Variants in EZH2 observed in about 807,000 individuals in gnomAD.
The protein encoded by EZH2 is enhancer of zeste 2 polycomb repressive complex 2 subunit.
In EZH2, 18 loss-of-function variants were observed where a neutral mutation model predicts 98.4. The observed-to-expected ratio is 0.18, with a 90% CI of 0.13 to 0.27. The LOEUF (loss-of-function observed/expected upper bound fraction) is 0.27, where lower values mean the gene tolerates loss of function less well. Among genes scored for constraint, EZH2 ranks in the 10% least tolerant of loss-of-function variants. The pLI, the probability that EZH2 is intolerant of heterozygous loss-of-function variation, is 1.00. For missense variants in EZH2, 470 were observed against 935.1 expected (o/e 0.50, Z 6.49); for synonymous variants, 338 against 312.3 (o/e 1.08, Z -0.87).
At chr7:148,810,543 A>C (rs1802745181) in intron 16 of EZH2, 129 bp from the exon 17 acceptor site, 1 of 566,396 alleles carries the variant, frequency 1.8e-6, no homozygotes, top group African/African-American at 1.8e-5. Context: ...CACTACAGCC[A>C]AGTTCTCTTT....
chr7:148,831,164 A>G (rs574896619), intron 4 of EZH2, among the ~76,000 whole-genome samples: 116 of 152,038 alleles, frequency 7.6e-4, no homozygotes, highest in Middle Eastern at 3.4e-3. Flanking sequence ...ATCCCTAGGT[A>G]ACAAATTTAG....
chr7:148,843,635 G>A (rs1386652870), intron 3 of EZH2, among the ~76,000 whole-genome samples: 2 of 107,800 alleles, frequency 1.9e-5, no homozygotes, highest in Non-Finnish European at 3.3e-5. Flanking sequence ...TCGCTCTGTC[G>A]CCCAGGCTGG....
chr7:148,870,224 A>G (rs1038380304), intron 1 of EZH2, among the ~76,000 whole-genome samples: 1 of 152,242 alleles, frequency 6.6e-6, no homozygotes, highest in Non-Finnish European at 1.5e-5. Context: ...ATTACTCTAG[A>G]AAAGTATTTC....
intron 8 of EZH2, among the ~76,000 whole-genome samples, chr7:148,820,202 C>T (rs540381649): frequency 2.6e-5 from 4 of 152,248 alleles, no homozygotes; most frequent in Non-Finnish European, 4.4e-5. Context: ...ATCCAAGAAC[C>T]TGGTGAGAGC....
intron 4 of EZH2, 126 bp from the exon 5 acceptor site, chr7:148,829,974 CAGAG>C (rs201385478): frequency 5.5e-5 from 32 of 584,510 alleles, no homozygotes; most frequent in Non-Finnish European, 7.7e-5. Flanking sequence ...AAATACTAGT[CAGAG>C]AGCAAACTCT....
intron 16 of EZH2, among the ~76,000 whole-genome samples, chr7:148,811,406 C>T (rs901511437): frequency 6.6e-6 from 1 of 152,166 alleles, no homozygotes. Context: ...CTGCCTCGGC[C>T]TCCCAAAGTG....
chr7:148,873,866 A>AGAC, intron 1 of EZH2, among the ~76,000 whole-genome samples: 1 of 151,572 alleles, frequency 6.6e-6, no homozygotes, highest in East Asian at 1.9e-4. Context: ...AGAGAGAAAA[A>AGAC]AAAAAAGATT....
chr7:148,817,782 C>A, intron 10 of EZH2, 95 bp downstream of exon 10: 1 of 1,529,256 alleles, frequency 6.5e-7, no homozygotes, highest in Non-Finnish European at 8.9e-7. Context: ...TGAAACTAAC[C>A]AACTAAGAAA....
intron 1 of EZH2, among the ~76,000 whole-genome samples, chr7:148,873,117 AG>A (rs1819649939): frequency 1.3e-5 from 2 of 152,124 alleles, no homozygotes; most frequent in African/African-American, 4.8e-5. Flanking sequence ...CAGGAGTCTG[AG>A]GATGTAGTGA....
At chr7:148,827,902 G>A (rs552640592) in intron 6 of EZH2, among the ~76,000 whole-genome samples, 101 of 152,340 alleles carry the variant, frequency 6.6e-4, no homozygotes, top group Non-Finnish European at 6.0e-4. Context: ...TGGATCACGA[G>A]GTCAGGAGAT....
intron 1 of EZH2, among the ~76,000 whole-genome samples, chr7:148,855,897 CAAAAAAAAAAA>C (rs34692092): frequency 4.9e-5 from 2 of 41,016 alleles, no homozygotes; most frequent in Non-Finnish European, 8.5e-5. Flanking sequence ...GACTCCATCT[CAAAAAAAAAAA>C]AAAAAAAAAA....
intron 9 of EZH2, 34 bp downstream of exon 9, chr7:148,819,562 G>C: frequency 6.4e-7 from 1 of 1,573,572 alleles, no homozygotes; most frequent in Non-Finnish European, 8.7e-7. Context: ...GTCCTCTCAA[G>C]TACCCTCTGC....
At chr7:148,853,784 T>A (rs1223134147) in intron 1 of EZH2, among the ~76,000 whole-genome samples, 1 of 152,260 alleles carries the variant, frequency 6.6e-6, no homozygotes, top group Non-Finnish European at 1.5e-5. Context: ...TGGCTGAATC[T>A]ACAAATGTAG....
intron 3 of EZH2, among the ~76,000 whole-genome samples, chr7:148,835,800 C>T (rs1436544403): frequency 6.6e-6 from 1 of 152,144 alleles, no homozygotes; most frequent in Non-Finnish European, 1.5e-5. Flanking sequence ...CAAAGTCGCA[C>T]ATAAGGGTTA....
intron 2 of EZH2, 111 bp from the exon 3 acceptor site, chr7:148,846,709 C>A: frequency 1.0e-6 from 1 of 959,252 alleles, no homozygotes; most frequent in East Asian, 2.6e-5. Flanking sequence ...ATATCAAGAA[C>A]ATTTTCTTAG....
intron 1 of EZH2, among the ~76,000 whole-genome samples, chr7:148,879,169 G>A (rs1382285734): frequency 6.6e-6 from 1 of 151,956 alleles, no homozygotes; most frequent in Admixed American, 6.6e-5. Context: ...AGGTTGCAGT[G>A]AGCCGAGATC....
At chr7:148,813,924 TACAA>T (rs1036782594) in intron 15 of EZH2, 31 bp downstream of exon 15, 1 of 1,594,104 alleles carries the variant, frequency 6.3e-7, no homozygotes, top group Non-Finnish European at 8.6e-7. Context: ...AATAGCTAAC[TACAA>T]ACAATCTTCC....
At chr7:148,815,166 TAAC>T in intron 13 of EZH2, 127 bp from the exon 14 acceptor site, 1 of 1,198,020 alleles carries the variant, frequency 8.3e-7, no homozygotes, top group Non-Finnish European at 1.2e-6. Context: ...ACTGAATGCA[TAAC>T]ATTACACATA....
chr7:148,860,737 T>C (rs1426461809), intron 1 of EZH2, among the ~76,000 whole-genome samples: 3 of 152,232 alleles, frequency 2.0e-5, no homozygotes, highest in Non-Finnish European at 2.9e-5. Flanking sequence ...ACTGGCGCAA[T>C]CACGGCTCAC....
Sources: allele counts gnomAD v4.1 joint callset (sites outside exome capture counted in the v4.1 genomes callset), GRCh38; gene constraint gnomAD v4.1.1; transcripts MANE v1.5; gene names NCBI Gene and HGNC (gene_info 2026-07-23, HGNC 2026-07-21).